The following CADM2 variants were observed in gnomAD, a reference collection of about 807,000 sequenced individuals.
CADM2 encodes immunoglobulin superfamily member 4D.
Under a neutral mutation model 49.8 loss-of-function variants are expected in CADM2, and 12 were observed. The ratio of observed to expected loss-of-function variants is 0.24; its 90% confidence interval spans 0.15 to 0.39. CADM2 has a LOEUF of 0.39. Ranked by LOEUF, CADM2 falls within the 10% of genes least tolerant of loss-of-function variation. The pLI, the probability that CADM2 is intolerant of heterozygous loss-of-function variation, is 1.00. For synonymous variants in CADM2, 214 were observed against 175.4 expected, an observed-to-expected ratio of 1.22 and a Z score of -1.74; for missense variants, 378 against 492.3, an observed-to-expected ratio of 0.77 and a Z score of 2.20.
intron 1 of CADM2, among the ~76,000 whole-genome samples, chr3:85,374,310 G>A (rs2033457844): frequency 6.6e-6 from 1 of 152,138 alleles, no homozygotes; most frequent in Non-Finnish European, 1.5e-5. Context: ...TAGGGCTGGG[G>A]CAAATGCTTC....
At chr3:85,884,119 A>G (rs970006676) in intron 4 of CADM2, among the ~76,000 whole-genome samples, 1 of 152,210 alleles carries the variant, frequency 6.6e-6, no homozygotes, top group African/African-American at 2.4e-5. Flanking sequence ...TTCCGAGGAA[A>G]TAAAGTTGCA....
At chr3:85,621,057 C>A (rs866231021) in intron 1 of CADM2, among the ~76,000 whole-genome samples, 1 of 151,966 alleles carries the variant, frequency 6.6e-6, no homozygotes, top group African/African-American at 2.4e-5. Context: ...AGGTAATATT[C>A]TTCAATAATG....
chr3:85,199,858 C>G (rs1049042659), intron 1 of CADM2, among the ~76,000 whole-genome samples: 1 of 151,954 alleles, frequency 6.6e-6, no homozygotes, highest in Non-Finnish European at 1.5e-5. Context: ...GTAACTGACT[C>G]TGAAAGAATC....
intron 1 of CADM2, among the ~76,000 whole-genome samples, chr3:85,714,987 C>T (rs536251680): frequency 1.3e-5 from 2 of 152,032 alleles, no homozygotes; most frequent in South Asian, 2.1e-4. Flanking sequence ...CAATCATTAT[C>T]GTTCCTGGAA....
At chr3:85,144,904 T>C (rs6774581) in intron 1 of CADM2, among the ~76,000 whole-genome samples, 15,914 of 152,246 alleles carry the variant, frequency 0.1, 1,796 homozygotes, top group African/African-American at 0.28. Flanking sequence ...GTCTTTTAAC[T>C]ACTCTTAGTG....
chr3:85,501,021 G>A (rs971382928), intron 1 of CADM2, among the ~76,000 whole-genome samples: 1 of 152,050 alleles, frequency 6.6e-6, no homozygotes. Flanking sequence ...AATATCCACA[G>A]AAATTATTAA....
chr3:85,898,633 C>T lies in CADM2; in HGVS notation c.529+12306C>T, dbSNP rs756455764. ...AGACTCATTCATGTTGTTGCATGTA[C>T]ATAGTTTCTTCTCTGTTTTCTTGCT... On this transcript the variant is annotated intron_variant, in intron 5 of 9. Coordinates refer to ENST00000383699, the MANE Select transcript of CADM2 (RefSeq NM_001167675.2). Among the ~76,000 whole-genome samples the T allele has an allele frequency of 8.0e-4, 120 of 150,338 alleles. 1 individual carries two copies. The highest frequency in any genetic ancestry group is 9.0e-4 in the Non-Finnish European group (61 of 67,718).
chr3:85,415,906 G>A (rs901580989), intron 1 of CADM2, among the ~76,000 whole-genome samples: 6 of 152,064 alleles, frequency 3.9e-5, no homozygotes, highest in African/African-American at 1.4e-4. Context: ...CAAATTTGTG[G>A]GGGGAGCAGT....
Position 85,912,433 on chromosome 3 carries a change from T to C in CADM2, c.590T>C (p.Leu197Pro). 6.2e-7 allele frequency: 1 copy of C among 1,614,076 alleles called. No homozygotes were observed. The highest frequency in any genetic ancestry group is 8.5e-7 in the Non-Finnish European group (1 of 1,179,974). The change falls in exon 6 of 10, where the codon CTG becomes CCG. Residue 197 changes from leucine to proline, a missense_variant. Transcript: ENST00000383699. Reference sequence around the variant, plus strand: ...AAGACATTCACTGTCAGCAGCACACTGGACTTCCGAGTGGACCGGAGTGAT... The same window carrying C: ...AAGACATTCACTGTCAGCAGCACACCGGACTTCCGAGTGGACCGGAGTGAT... Reference protein sequence around the residue: ...NRKTFTVSSTLDFRVDRSDDG... With the variant: ...NRKTFTVSSTPDFRVDRSDDG...
At chr3:85,264,991 G>A (rs1302188402) in intron 1 of CADM2, among the ~76,000 whole-genome samples, 2 of 151,872 alleles carry the variant, frequency 1.3e-5, no homozygotes, top group Admixed American at 1.3e-4. Context: ...ACCTCTCTGA[G>A]CTATGAGTTT....
intron 1 of CADM2, among the ~76,000 whole-genome samples, chr3:85,476,697 A>G (rs150307450): frequency 6.6e-6 from 1 of 151,888 alleles, no homozygotes. Context: ...AACAAAGAGT[A>G]AACTATTATT....
chr3:85,877,987 C>A (rs1712174828), intron 3 of CADM2, among the ~76,000 whole-genome samples: 1 of 151,966 alleles, frequency 6.6e-6, no homozygotes, highest in Admixed American at 6.6e-5. Context: ...ACTTGAAATG[C>A]TGTTTTAAAG....
chr3:85,087,973 C>G (rs1313427318), intron 1 of CADM2, among the ~76,000 whole-genome samples: 1 of 152,060 alleles, frequency 6.6e-6, no homozygotes. Context: ...TGTCTCATTC[C>G]TGTTTACATC....
chr3:86,009,968 C>T (rs996271586), intron 8 of CADM2, among the ~76,000 whole-genome samples: 2 of 151,690 alleles, frequency 1.3e-5, no homozygotes, highest in Admixed American at 6.6e-5. Context: ...CTAAATGACG[C>T]CTTTTTTACT....
chr3:85,267,990 A>G (rs190065284), intron 1 of CADM2, among the ~76,000 whole-genome samples: 1 of 151,308 alleles, frequency 6.6e-6, no homozygotes, highest in East Asian at 1.9e-4. Context: ...CCATGGATAT[A>G]TTGGAGTGTG....
chr3:85,371,024 G>T (rs1335841357), intron 1 of CADM2, among the ~76,000 whole-genome samples: 1 of 152,016 alleles, frequency 6.6e-6, no homozygotes, highest in Non-Finnish European at 1.5e-5. Context: ...ATTTTATACA[G>T]GTGTATAACG....
In CADM2 at chr3:85,616,282, CA is replaced by C. The variant is rs1198633186; in HGVS notation, c.62-110237del. ...GTCACATTCTTAATATCCGAATTAC[CA>C]AATTTATTCTGAGTTTTCAAAGCAC... On this transcript the variant is annotated intron_variant, in intron 1 of 9. Transcript: ENST00000383699. Among the ~76,000 whole-genome samples, 5 of 151,344 alleles carry C rather than the reference CA, an allele frequency of 3.3e-5. No homozygotes were observed. The East Asian group carries it at 7.7e-4, about 23-fold the overall frequency.
chr3:85,633,799 A>G (rs1333619871), intron 1 of CADM2, among the ~76,000 whole-genome samples: 1 of 152,082 alleles, frequency 6.6e-6, no homozygotes, highest in African/African-American at 2.4e-5. Context: ...AAATTAGGCC[A>G]AAAAGTGGAA....
intron 3 of CADM2, among the ~76,000 whole-genome samples, chr3:85,865,213 C>A (rs560089723): frequency 1.3e-5 from 2 of 152,210 alleles, no homozygotes; most frequent in Non-Finnish European, 2.9e-5. Context: ...GCTTCAAGAA[C>A]TTTCTATGCC....
Sources: gnomAD v4.1 joint callset for allele counts (sites outside exome capture counted in the v4.1 genomes callset) on GRCh38, gnomAD v4.1.1 for gene constraint, MANE v1.5 for transcripts, NCBI Gene and HGNC (gene_info 2026-07-23, HGNC 2026-07-21) for gene names.